ZNF804B: variants seen among roughly 807,000 people sequenced by gnomAD.
ZNF804B encodes zinc finger protein 804B.
ZNF804B carries 80 observed loss-of-function variants against 101.4 expected under a neutral mutation model. The ratio of observed to expected loss-of-function variants is 0.79; its 90% CI spans 0.66 to 0.95. ZNF804B has a LOEUF of 0.95. Ranked by LOEUF, ZNF804B falls within the 40% of genes least tolerant of loss-of-function variation. The pLI, the probability that ZNF804B is intolerant of heterozygous loss-of-function variation, is 0.00. For missense variants in ZNF804B, 1,673 were observed against 1,561.9 expected (o/e 1.07, Z -1.20); for synonymous variants, 622 against 558.8 (o/e 1.11, Z -1.59).
At chr7:89,230,722 A>G (rs192752056) in intron 2 of ZNF804B, among the ~76,000 whole-genome samples, 1 of 152,148 alleles carries the variant, frequency 6.6e-6, no homozygotes, top group East Asian at 1.9e-4. Context: ...CTGGACATCC[A>G]CATACATCTG....
chr7:88,819,086 TGATA>T (rs1790932250), intron 1 of ZNF804B, among the ~76,000 whole-genome samples: 1 of 152,162 alleles, frequency 6.6e-6, no homozygotes, highest in Non-Finnish European at 1.5e-5. Flanking sequence ...CTGCCCATTG[TGATA>T]CCCTGTGAAA....
intron 1 of ZNF804B, among the ~76,000 whole-genome samples, chr7:88,873,120 C>T (rs942376731): frequency 2.8e-4 from 42 of 152,222 alleles, no homozygotes; most frequent in Admixed American, 2.4e-3. Context: ...TCCACATCCT[C>T]TCCAGCACCT....
intron 2 of ZNF804B, among the ~76,000 whole-genome samples, chr7:89,323,422 A>G (rs960142392): frequency 1.1e-4 from 17 of 152,240 alleles, no homozygotes; most frequent in African/African-American, 4.1e-4. Flanking sequence ...AAATGTTAAT[A>G]TAAAAACCAA....
chr7:89,132,875 G>C (rs6952249), intron 1 of ZNF804B, among the ~76,000 whole-genome samples: 1 of 152,012 alleles, frequency 6.6e-6, no homozygotes, highest in Non-Finnish European at 1.5e-5. Context: ...ACAGTGCTGA[G>C]AGGGAAACAT....
chr7:88,902,921 G>T (rs971439954), intron 1 of ZNF804B, among the ~76,000 whole-genome samples: 1 of 151,894 alleles, frequency 6.6e-6, no homozygotes, highest in Non-Finnish European at 1.5e-5. Flanking sequence ...GCCAGTTTTT[G>T]ATTTTATTTA....
At chr7:88,984,138 C>T (rs920874178) in intron 1 of ZNF804B, among the ~76,000 whole-genome samples, 2 of 152,058 alleles carry the variant, frequency 1.3e-5, no homozygotes, top group Non-Finnish European at 2.9e-5. Flanking sequence ...TTCCAGTTAA[C>T]CATGCAGCCT....
chr7:89,215,733 ATTAG>A (rs1372153923), intron 1 of ZNF804B, among the ~76,000 whole-genome samples: 1 of 151,748 alleles, frequency 6.6e-6, no homozygotes, highest in African/African-American at 2.4e-5. Flanking sequence ...AATACAAAAA[ATTAG>A]CCGGGCGTGG....
At chr7:89,087,555 G>C (rs1789823585) in intron 1 of ZNF804B, among the ~76,000 whole-genome samples, 1 of 151,754 alleles carries the variant, frequency 6.6e-6, no homozygotes, top group Admixed American at 6.6e-5. Context: ...AACTAGTTTT[G>C]ATATCTCTTT....
At chr7:88,960,341 CT>C (rs1294869590) in intron 1 of ZNF804B, among the ~76,000 whole-genome samples, 2 of 151,280 alleles carry the variant, frequency 1.3e-5, no homozygotes, top group Non-Finnish European at 3.0e-5. Context: ...TGTAGTTTGA[CT>C]TGAGCTATAC....
intron 1 of ZNF804B, among the ~76,000 whole-genome samples, chr7:89,206,136 A>G (rs752555196): frequency 7.9e-5 from 12 of 152,340 alleles, no homozygotes; most frequent in Admixed American, 2.0e-4. Flanking sequence ...CAAGACACCA[A>G]GTCCCAAGAC....
intron 2 of ZNF804B, among the ~76,000 whole-genome samples, chr7:89,220,626 A>C (rs1039550144): frequency 6.6e-6 from 1 of 151,966 alleles, no homozygotes; most frequent in Non-Finnish European, 1.5e-5. Flanking sequence ...TTCAAGATAT[A>C]TGGTCATGCT....
At chr7:89,062,259 A>G (rs1050909593) in intron 1 of ZNF804B, among the ~76,000 whole-genome samples, 2 of 152,148 alleles carry the variant, frequency 1.3e-5, no homozygotes, top group Non-Finnish European at 2.9e-5. Flanking sequence ...CGTGACATGG[A>G]ATACAAGGCA....
At chr7:89,176,623 T>C (rs1791327928) in intron 1 of ZNF804B, among the ~76,000 whole-genome samples, 1 of 142,894 alleles carries the variant, frequency 7.0e-6, no homozygotes, top group Non-Finnish European at 1.5e-5. Context: ...TTTCCTTGCC[T>C]GGTTTTGGTA....
chr7:89,294,148 T>C (rs1312085007), intron 2 of ZNF804B, among the ~76,000 whole-genome samples: 2 of 152,192 alleles, frequency 1.3e-5, no homozygotes, highest in African/African-American at 4.8e-5. Context: ...TCAAGAAAAG[T>C]AGTTACGATT....
intron 2 of ZNF804B, among the ~76,000 whole-genome samples, chr7:89,223,543 A>G (rs1789036412): frequency 6.6e-6 from 1 of 151,824 alleles, no homozygotes; most frequent in South Asian, 2.1e-4. Context: ...TGTGATACAT[A>G]TATTTAAATG....
chr7:89,235,926 A>T (rs1789272038), intron 2 of ZNF804B, among the ~76,000 whole-genome samples: 1 of 152,178 alleles, frequency 6.6e-6, no homozygotes. Flanking sequence ...TAAGATAAAA[A>T]GAAAATTTTA....
intron 1 of ZNF804B, among the ~76,000 whole-genome samples, chr7:89,041,007 T>C (rs1789008316): frequency 6.6e-6 from 1 of 152,112 alleles, no homozygotes; most frequent in African/African-American, 2.4e-5. Flanking sequence ...GTCTGGAGTC[T>C]GGATCTGTGG....
chr7:88,967,719 A>C (rs1415271379), intron 1 of ZNF804B, among the ~76,000 whole-genome samples: 49 of 18,582 alleles, frequency 2.6e-3, no homozygotes, highest in African/African-American at 0.019. Context: ...GAAAAAGCAA[A>C]AAAAAAAAAA....
At chr7:89,174,941 CATT>C (rs1791296347) in intron 1 of ZNF804B, among the ~76,000 whole-genome samples, 1 of 151,724 alleles carries the variant, frequency 6.6e-6, no homozygotes. Flanking sequence ...TAAATTGAAA[CATT>C]ATTTTTCTAT....
Sources: gnomAD v4.1 joint callset for allele counts (sites outside exome capture counted in the v4.1 genomes callset) on GRCh38, gnomAD v4.1.1 for gene constraint, MANE v1.5 for transcripts, NCBI Gene and HGNC (gene_info 2026-07-23, HGNC 2026-07-21) for gene names.